Variants in ATXN7L1 observed in about 807,000 individuals in gnomAD.
The protein encoded by ATXN7L1 is ataxin-7-like protein 1.
In ATXN7L1, 15 loss-of-function variants were observed where a neutral mutation model predicts 70.8. The ratio of observed to expected loss-of-function variants is 0.21; its 90% confidence interval spans 0.14 to 0.33. The LOEUF (loss-of-function observed/expected upper bound fraction) is 0.33, where lower values mean the gene tolerates loss of function less well. Ranked by LOEUF, ATXN7L1 falls within the 10% of genes least tolerant of loss-of-function variation. ATXN7L1 has a pLI of 1.00. For synonymous variants in ATXN7L1, 440 were observed against 445.1 expected (o/e 0.99, Z 0.14); for missense variants, 975 against 1,097.1 (o/e 0.89, Z 1.57).
intron 3 of ATXN7L1, among the ~76,000 whole-genome samples, chr7:105,721,355 G>T (rs1795160814): frequency 6.6e-6 from 1 of 152,216 alleles, no homozygotes; most frequent in Non-Finnish European, 1.5e-5. Flanking sequence ...ATAAAGGGTT[G>T]GGTGGGGGAC....
At chr7:105,737,243 G>A (rs780161801) in intron 3 of ATXN7L1, among the ~76,000 whole-genome samples, 2 of 152,060 alleles carry the variant, frequency 1.3e-5, no homozygotes, top group East Asian at 1.9e-4. Context: ...ACTCTTTTGC[G>A]CCTTTCCCAA....
intron 4 of ATXN7L1, among the ~76,000 whole-genome samples, chr7:105,662,101 C>CTT (rs1282539624): frequency 9.0e-6 from 1 of 110,552 alleles, no homozygotes; most frequent in South Asian, 2.8e-4. Flanking sequence ...CTTTTCTTTT[C>CTT]TTTTCTTTTT....
chr7:105,706,490 A>T lies in ATXN7L1; in HGVS notation c.356-41202T>A, dbSNP rs181416472. The stretch of plus-strand genomic sequence containing the variant: ...GGATTACATAGTTGGTTTTTATGAG[A>T]CAACAGACCATTTAATTCTGAGTGT... On this transcript the variant is annotated intron_variant, in intron 3 of 11. Transcript: ENST00000419735. Among the ~76,000 whole-genome samples the T allele has an allele frequency of 1.2e-3, 187 of 152,186 alleles. 1 individual carries two copies. Among genetic ancestry groups the T allele is most frequent in the Non-Finnish European group, 2.2e-3 (151 of 67,976 alleles).
intron 9 of ATXN7L1, among the ~76,000 whole-genome samples, chr7:105,616,504 T>C (rs1793913762): frequency 6.6e-6 from 1 of 152,226 alleles, no homozygotes; most frequent in South Asian, 2.1e-4. Context: ...ATGGCCATGA[T>C]GGCATTGAGA....
intron 4 of ATXN7L1, among the ~76,000 whole-genome samples, chr7:105,643,910 C>T (rs1260113556): frequency 6.6e-6 from 1 of 152,134 alleles, no homozygotes; most frequent in Non-Finnish European, 1.5e-5. Flanking sequence ...TTCTCTTCTT[C>T]TTTAATGCTG....
intron 4 of ATXN7L1, among the ~76,000 whole-genome samples, chr7:105,649,976 T>C (rs1359870600): frequency 6.6e-6 from 1 of 152,206 alleles, no homozygotes; most frequent in Admixed American, 6.5e-5. Flanking sequence ...TCACCCAGCC[T>C]CTTGGCTTCC....
At chr7:105,730,818 A>G (rs1796451916) in intron 3 of ATXN7L1, among the ~76,000 whole-genome samples, 1 of 152,228 alleles carries the variant, frequency 6.6e-6, no homozygotes, top group Non-Finnish European at 1.5e-5. Context: ...CTGGAAGAGA[A>G]AGCTATCGTG....
chr7:105,670,979 G>T (rs571135113), intron 3 of ATXN7L1, among the ~76,000 whole-genome samples: 1 of 151,986 alleles, frequency 6.6e-6, no homozygotes, highest in Admixed American at 6.6e-5. Flanking sequence ...GGTGGCGGGC[G>T]CCTGTTAGTC....
intron 2 of ATXN7L1, among the ~76,000 whole-genome samples, chr7:105,862,607 C>A (rs982038802): frequency 1.3e-5 from 2 of 151,980 alleles, no homozygotes; most frequent in African/African-American, 4.8e-5. Flanking sequence ...TGGGGCCCAT[C>A]GAAGGTCACC....
chr7:105,707,539 A>G, intron 3 of ATXN7L1, among the ~76,000 whole-genome samples: 1 of 152,192 alleles, frequency 6.6e-6, no homozygotes, highest in Admixed American at 6.5e-5. Context: ...GGGCATACCA[A>G]AGAAGCCAAG....
intron 3 of ATXN7L1, among the ~76,000 whole-genome samples, chr7:105,668,357 C>T (rs1008242889): frequency 1.3e-5 from 2 of 152,224 alleles, no homozygotes; most frequent in African/African-American, 4.8e-5. Context: ...ACTCAGCCTT[C>T]TGAGTAGCTG....
At chr7:105,740,195 G>A (rs572521350) in intron 3 of ATXN7L1, among the ~76,000 whole-genome samples, 2 of 152,180 alleles carry the variant, frequency 1.3e-5, no homozygotes, top group East Asian at 3.9e-4. Flanking sequence ...GCCAGAATCT[G>A]TGTCACCTAG....
At position 105,606,230 on chromosome 7, in the gene ATXN7L1, A is replaced by T. The variant is rs981025148; in HGVS notation, c.*1622T>A. ...TCCTGATTTTTAAACAAATCATTTT[A>T]TATTAAAAAATTTAGTAATCCTATA... On this transcript the variant is annotated 3_prime_UTR_variant, in exon 12 of 12. Coordinates refer to ENST00000419735, the MANE Select transcript of ATXN7L1 (RefSeq NM_020725.2). 2.6e-5 allele frequency: 4 copies of T among 152,222 alleles called. No individual in the cohort carries two copies. Among genetic ancestry groups the T allele is most frequent in the Non-Finnish European group, 5.9e-5 (4 of 68,038 alleles). The allele number at this position is 152,222 out of a possible 1,614,324, so 9.4% of individuals were successfully genotyped here.
At chr7:105,635,267 G>A (rs796252280) in intron 7 of ATXN7L1, among the ~76,000 whole-genome samples, 12 of 152,142 alleles carry the variant, frequency 7.9e-5, no homozygotes, top group African/African-American at 2.2e-4. Flanking sequence ...CACAACCCTC[G>A]GGCTTTTTGG....
chr7:105,788,763 G>T, intron 2 of ATXN7L1, 55 bp from the exon 3 acceptor site: 1 of 1,382,526 alleles, frequency 7.2e-7, no homozygotes, highest in Non-Finnish European at 1.0e-6. Flanking sequence ...GTCTCAGAAG[G>T]TGTACAGTTT....
intron 3 of ATXN7L1, among the ~76,000 whole-genome samples, chr7:105,785,973 C>T (rs1336497698): frequency 6.6e-6 from 1 of 152,190 alleles, no homozygotes. Flanking sequence ...CTTAGACAAT[C>T]ATGAAGCTAT....
At chr7:105,777,667 C>T (rs2116455575) in intron 3 of ATXN7L1, among the ~76,000 whole-genome samples, 1 of 152,338 alleles carries the variant, frequency 6.6e-6, no homozygotes, top group South Asian at 2.1e-4. Flanking sequence ...TCCACGGCTA[C>T]CACGATGATC....
At chr7:105,696,621 C>A (rs1010704980) in intron 3 of ATXN7L1, among the ~76,000 whole-genome samples, 9 of 152,174 alleles carry the variant, frequency 5.9e-5, no homozygotes, top group East Asian at 1.9e-4. Flanking sequence ...CATTAAAATG[C>A]GCTAATGGAG....
At chr7:105,758,277 T>A (rs75320416) in intron 3 of ATXN7L1, among the ~76,000 whole-genome samples, 4,622 of 152,290 alleles carry the variant, frequency 0.03, 206 homozygotes, top group African/African-American at 0.11. Flanking sequence ...CTTCTCCTCC[T>A]GGGCTGGGCT....
Sources: allele counts gnomAD v4.1 joint callset (sites outside exome capture counted in the v4.1 genomes callset), GRCh38; gene constraint gnomAD v4.1.1; transcripts MANE v1.5; gene names NCBI Gene and HGNC (gene_info 2026-07-23, HGNC 2026-07-21).